ABCA2: variants seen among roughly 807,000 people sequenced by gnomAD.
The protein encoded by ABCA2 is ATP-binding cassette sub-family A member 2.
ABCA2 carries 84 observed loss-of-function variants against 262.8 expected under a neutral mutation model. That is an observed-to-expected ratio of 0.32 (90% CI 0.27 to 0.38). The LOEUF (loss-of-function observed/expected upper bound fraction) is 0.38, where lower values mean the gene tolerates loss of function less well. Ranked by LOEUF, ABCA2 falls within the 10% of genes least tolerant of loss-of-function variation. The pLI is 1.00. For synonymous variants in ABCA2, 1,696 were observed against 1,502.9 expected, an observed-to-expected ratio of 1.13 and a Z score of -2.97; for missense variants, 2,662 against 3,405.9, an observed-to-expected ratio of 0.78 and a Z score of 5.44.
At position 137,015,800 on chromosome 9, in the gene ABCA2, C is replaced by A; in HGVS notation, c.3389G>T (p.Arg1130Leu). The change falls in exon 23 of 49, where the codon CGC becomes CTC. Residue 1130 changes from arginine to leucine, a missense_variant. Arg to Leu is a moderately radical substitution (Grantham distance 102, BLOSUM62 -2). This residue lies in a region of ABCA2 where 180 missense variants were observed against 307.3 expected (regional missense o/e 0.59). Coordinates refer to ENST00000341511, the MANE Select transcript of ABCA2 (RefSeq NM_001606.5). ...LVQTLSGGMK[R>L]KLSVAIAFVG... ...GAAGGCGATGGCCACGGACAGCTTG[C>A]GCTTCATGCCACCCGACAATGTCTG... The A allele has an allele frequency of 6.2e-7, 1 of 1,612,370 alleles. No individual in the cohort carries two copies. The highest frequency in any genetic ancestry group is 8.5e-7 in the Non-Finnish European group (1 of 1,179,792).
intron 19 of ABCA2, 24 bp from the exon 20 acceptor site, chr9:137,016,762 A>T: frequency 1.3e-6 from 2 of 1,537,576 alleles, no homozygotes; most frequent in African/African-American, 1.4e-5. Context: ...AGGGGAGGGG[A>T]GGCTGACCTA....
Position 137,028,003 on chromosome 9 carries a change from GCGCGGGGAGCGCGCCTCTGGC to G in ABCA2, c.66+51_66+71del. The G allele has an allele frequency of 1.2e-6, 1 of 866,654 alleles. No homozygotes were observed. The highest frequency in any genetic ancestry group is 1.4e-6 in the Non-Finnish European group (1 of 724,036). 53.7% of individuals were successfully genotyped at this position (866,654 alleles called of 1,614,324 possible). A position where few individuals can be genotyped will look rare whatever the true frequency, so the allele number is the denominator to read the frequency against. ...CGCGCGCCCGGCCGTCCGCACGTGC[GCGCGGGGAGCGCGCCTCTGGC>G]CGCGGTGCGCGCGGCCTCGGGCTGA... On this transcript the variant is annotated intron_variant, in intron 1 of 48. Transcript: ENST00000341511. The surrounding 1 kb of genome is among the most constrained non-coding windows in gnomAD (Gnocchi z 6.9).
At position 137,009,642 on chromosome 9, in the gene ABCA2, G is replaced by A. The variant is rs765483680; in HGVS notation, c.6633C>T (p.Asp2211=). 86 of 1,612,624 alleles carry A rather than the reference G, an allele frequency of 5.3e-5. No homozygotes were observed. The East Asian group carries it at 1.5e-3, about 28-fold the overall frequency. Residue 2211 remains aspartate, a splice_region_variant and synonymous_variant, in exon 44 of 49, where the codon GAC becomes GAT. Coordinates refer to ENST00000341511, the MANE Select transcript of ABCA2 (RefSeq NM_001606.5). ...TGGGGTCCATGCCTGTGGTGGGCTC[G>A]TCCTGGGGATGGGTGGCAGGCTCAG... ...LIGYPAFIFL[D]EPTTGMDPKA...
At position 137,007,578 on chromosome 9, in the gene ABCA2, G is replaced by A. The variant is rs1830878101; in HGVS notation, c.*351C>T. The stretch of plus-strand genomic sequence containing the variant: ...CGTAAGAGAGAAAAGCTGGTTCCGA[G>A]GCCGGGCAGGAGAAAGGCCAGCAGT... On this transcript the variant is annotated 3_prime_UTR_variant, in exon 49 of 49. Coordinates refer to ENST00000341511, the MANE Select transcript of ABCA2 (RefSeq NM_001606.5). The A allele has an allele frequency of 2.6e-6, 1 of 391,868 alleles. No homozygotes were observed. The highest frequency in any genetic ancestry group is 4.7e-6 in the Non-Finnish European group (1 of 212,478). 24.3% of individuals were successfully genotyped at this position (391,868 alleles called of 1,614,324 possible).
rs373063345 is a variant in ABCA2 at position 137,012,212 on chromosome 9, G to A, written c.5300-50C>T. The A allele has an allele frequency of 4.6e-5, 43 of 930,624 alleles. No homozygotes were observed. Among genetic ancestry groups the A allele is most frequent in the Middle Eastern group, 3.5e-4 (1 of 2,894 alleles). 57.6% of individuals were successfully genotyped at this position (930,624 alleles called of 1,614,324 possible). ...CAGCTTCAGGCCCCAGCTCCTCCCCGCCCCGGCCCCAGCTCCTCCCCGCCC... is the reference window on the plus strand; with the variant it reads ...CAGCTTCAGGCCCCAGCTCCTCCCCACCCCGGCCCCAGCTCCTCCCCGCCC... On this transcript the variant is annotated intron_variant, in intron 33 of 48. Transcript: ENST00000341511.
At chr9:137,014,595 G>A (rs1162826822) in intron 26 of ABCA2, 95 bp downstream of exon 26, 2 of 1,516,324 alleles carry the variant, frequency 1.3e-6, no homozygotes, top group Non-Finnish European at 1.8e-6. Context: ...CAGGACCAGG[G>A]TGGCGCCCCC....
Position 137,013,282 on chromosome 9 carries a change from G to C in ABCA2, c.4587C>G (p.Leu1529=), listed in dbSNP as rs767130384. Residue 1529 remains leucine, a synonymous_variant, in exon 30 of 49, where the codon CTC becomes CTG. Coordinates refer to ENST00000341511, the MANE Select transcript of ABCA2 (RefSeq NM_001606.5). The part of the protein sequence containing the change: ...RLSPDASPQQ[L]VSTFRLPSGV... ...CCGACGGCAGCCGGAACGTGCTCAC[G>C]AGCTGCTGGGGGCTGGCGTCGGGCG... 3 of 1,580,666 alleles carry C rather than the reference G, an allele frequency of 1.9e-6. No individual in the cohort carries two copies. Among genetic ancestry groups the C allele is most frequent in the Non-Finnish European group, 2.6e-6 (3 of 1,169,594 alleles).
chr9:137,023,197 C>T lies in ABCA2; in HGVS notation c.164-145G>A. On this transcript the variant is annotated intron_variant, in intron 3 of 48. Transcript: ENST00000341511. ...AAGCAGCGTTAGGGAGAAGGCGGCACAGAGCCCTGGCCCCAGCTGGGCTAC... is the reference window on the plus strand; with the variant it reads ...AAGCAGCGTTAGGGAGAAGGCGGCATAGAGCCCTGGCCCCAGCTGGGCTAC... 4.3e-6 allele frequency: 3 copies of T among 704,494 alleles called. No individual in the cohort carries two copies. The Admixed American group carries it at 7.0e-5, about 16-fold the overall frequency. The allele number at this position is 704,494 out of a possible 1,614,324, so 43.6% of individuals were successfully genotyped here. A position where few individuals can be genotyped will look rare whatever the true frequency, so the allele number is the denominator to read the frequency against.
chr9:137,020,417 G>C lies in ABCA2; in HGVS notation c.1344C>G (p.Gly448=), dbSNP rs1245478782. 3 of 1,612,800 alleles carry C rather than the reference G, an allele frequency of 1.9e-6. No individual in the cohort carries two copies. Residue 448 remains glycine, a synonymous_variant, in exon 10 of 49, where the codon GGC becomes GGG. Transcript: ENST00000341511. ...TGCTGGTCATGAGGTGCACGAGGAGGCCCAGGTTCCGCTGCTCCTTGCTCG... is the reference window on the plus strand; with the variant it reads ...TGCTGGTCATGAGGTGCACGAGGAGCCCCAGGTTCCGCTGCTCCTTGCTCG... The part of the protein sequence containing the change: ...GFTSKEQRNL[G]LLVHLMTSNP...
intron 19 of ABCA2, 36 bp from the exon 20 acceptor site, chr9:137,016,774 G>T (rs761349818): frequency 3.2e-6 from 5 of 1,542,406 alleles, no homozygotes; most frequent in Non-Finnish European, 3.5e-6. Context: ...GCTGACCTAG[G>T]GCCTGGGGTG....
chr9:137,023,173 A>C, intron 3 of ABCA2, 121 bp from the exon 4 acceptor site: 5 of 814,532 alleles, frequency 6.1e-6, no homozygotes, highest in Non-Finnish European at 9.9e-6. Flanking sequence ...AGGAAGGAGA[A>C]GCAGCGTTAG....
intron 6 of ABCA2, 81 bp from the exon 7 acceptor site, chr9:137,022,082 T>C (rs1293314731): frequency 5.9e-4 from 158 of 268,154 alleles, no homozygotes; most frequent in Non-Finnish European, 7.0e-4. Flanking sequence ...GATGGACGTG[T>C]GGGGGCGTGG....
intron 1 of ABCA2, among the ~76,000 whole-genome samples, chr9:137,025,103 T>C (rs951308893): frequency 3.3e-5 from 5 of 152,170 alleles, no homozygotes; most frequent in Non-Finnish European, 7.4e-5. Context: ...CTGTCCCCTC[T>C]CCTGACCCGG....
chr9:137,018,407 TG>T (rs1201032704), intron 13 of ABCA2, 56 bp from the exon 14 acceptor site: 29 of 143,916 alleles, frequency 2.0e-4, no homozygotes, highest in African/African-American at 9.7e-4. Context: ...CAAGGCGTGG[TG>T]GGGGGGAAAG....
Position 137,007,942 on chromosome 9 carries a change from T to C in ABCA2, c.7298A>G (p.Asp2433Gly). Residue 2433 changes from aspartate to glycine, a missense_variant, in exon 49 of 49, where the codon GAC (aspartate) becomes GGC (glycine). Physicochemically the swap from Asp to Gly is moderately conservative, Grantham distance 94. Coordinates refer to ENST00000341511, the MANE Select transcript of ABCA2 (RefSeq NM_001606.5). ...AGCTCTGGGTGGTCAGCAGAGCGTGTCCGTGTTGAAGGACAGCTGGGCCTG... is the reference window on the plus strand; with the variant it reads ...AGCTCTGGGTGGTCAGCAGAGCGTGCCCGTGTTGAAGGACAGCTGGGCCTG... ...EERAQLSFNT[D>G]TLC is the part of the protein sequence containing the mutation. 6.2e-7 allele frequency: 1 copy of C among 1,605,776 alleles called. No individual in the cohort carries two copies. The highest frequency in any genetic ancestry group is 8.5e-7 in the Non-Finnish European group (1 of 1,179,844).
At chr9:137,018,586 AG>A in intron 13 of ABCA2, 132 bp downstream of exon 13, 1 of 354,382 alleles carries the variant, frequency 2.8e-6, no homozygotes, top group Non-Finnish European at 5.1e-6. Context: ...AGGGGTGGGG[AG>A]GGGAAGTGGC....
At chr9:137,022,058 G>A in intron 6 of ABCA2, 57 bp from the exon 7 acceptor site, 3 of 1,239,998 alleles carry the variant, frequency 2.4e-6, no homozygotes, top group African/African-American at 1.6e-5. Context: ...CTCAGATGGT[G>A]GGGGCGTGGC....
chr9:137,015,934 T>TGGGGGGGG, intron 22 of ABCA2, 28 bp downstream of exon 22: 4 of 654,204 alleles, frequency 6.1e-6, no homozygotes, highest in Non-Finnish European at 8.5e-6. Flanking sequence ...TCCGCCCACC[T>TGGGGGGGG]GCCCCGCCCC....
At position 137,011,255 on chromosome 9, in the gene ABCA2, A is replaced by C. The variant is rs1588508678; in HGVS notation, c.5854T>G (p.Tyr1952Asp). 6.2e-7 allele frequency: 1 copy of C among 1,612,000 alleles called. No homozygotes were observed. The highest frequency in any genetic ancestry group is 1.3e-5 in the African/African-American group (1 of 74,818). Reference protein sequence around the residue: ...LKSCFLIFPNYNLGHGLMEMA... With the variant: ...LKSCFLIFPNDNLGHGLMEMA... ...TCCATGAGCCCGTGGCCCAGGTTGT[A>C]GTTGGGGAAAATGAGGAAGCAGCTT... The change falls in exon 38 of 49, where the codon TAC becomes GAC. Residue 1952 changes from tyrosine (Y) to aspartate (D), a missense_variant. Around this residue, in one of 12 missense-constraint regions of ABCA2, gnomAD observed 602 missense variants for 897.4 expected, o/e 0.67. Coordinates refer to ENST00000341511, the MANE Select transcript of ABCA2 (RefSeq NM_001606.5). This position sits in a 1 kb window ranked among gnomAD's most constrained non-coding sequence, Gnocchi z 8.8.
Sources: allele counts gnomAD v4.1 joint callset (sites outside exome capture counted in the v4.1 genomes callset), GRCh38; gene constraint gnomAD v4.1.1; regional missense constraint gnomAD v4.1.1; non-coding constraint Gnocchi (gnomAD v3.1); transcripts MANE v1.5; gene names NCBI Gene and HGNC (gene_info 2026-07-23, HGNC 2026-07-21).